CACNA1E: variants seen among roughly 807,000 people sequenced by gnomAD.
CACNA1E encodes the protein calcium voltage-gated channel subunit alpha1 E, also known as voltage-dependent R-type calcium channel subunit alpha-1E.
Under a neutral mutation model 259.2 loss-of-function variants are expected in CACNA1E, and 40 were observed. The ratio of observed to expected loss-of-function variants is 0.15; its 90% CI spans 0.12 to 0.20. The LOEUF is 0.20. Among genes scored for constraint, CACNA1E ranks in the 10% least tolerant of loss-of-function variants. The probability of loss-of-function intolerance (pLI) is 1.00; values close to 1 mark genes in which losing one functional copy is unlikely to be tolerated. For missense variants in CACNA1E, 1,874 were observed against 3,040.1 expected (o/e 0.62, Z 9.02); for synonymous variants, 1,104 against 1,138.5 (o/e 0.97, Z 0.61).
chr1:181,422,132 A>G (rs1557991251), intron 2 of CACNA1E, among the ~76,000 whole-genome samples: 1 of 152,164 alleles, frequency 6.6e-6, no homozygotes, highest in Non-Finnish European at 1.5e-5. Flanking sequence ...CTCAAATGAT[A>G]CTTCCTCAGA....
intron 7 of CACNA1E, among the ~76,000 whole-genome samples, chr1:181,678,593 G>T (rs1169615949): frequency 6.6e-6 from 1 of 152,174 alleles, no homozygotes; most frequent in African/African-American, 2.4e-5. Flanking sequence ...GATTTGAAAA[G>T]GCTGGGGTAA....
intron 7 of CACNA1E, among the ~76,000 whole-genome samples, chr1:181,679,717 C>T (rs527926689): frequency 1.3e-5 from 2 of 152,106 alleles, no homozygotes; most frequent in African/African-American, 4.8e-5. Flanking sequence ...GGGCTAACAG[C>T]AGGCCAGGCT....
intron 1 of CACNA1E, among the ~76,000 whole-genome samples, chr1:181,371,915 G>A (rs1654736936): frequency 6.6e-6 from 1 of 152,154 alleles, no homozygotes; most frequent in Admixed American, 6.5e-5. Flanking sequence ...CTTTATTTCT[G>A]GGTTCGTTAA....
intron 38 of CACNA1E, chr1:181,779,635 G>A: frequency 3.9e-6 from 1 of 258,184 alleles, no homozygotes; most frequent in South Asian, 3.7e-5. Context: ...GCCACATGAG[G>A]GAACCTTCAT....
intron 35 of CACNA1E, among the ~76,000 whole-genome samples, chr1:181,767,409 GCTAA>G (rs1659115189): frequency 1.3e-5 from 2 of 152,214 alleles, no homozygotes; most frequent in African/African-American, 2.4e-5. Flanking sequence ...TCTCCAGAGG[GCTAA>G]CTTTCTGACT....
intron 1 of CACNA1E, among the ~76,000 whole-genome samples, chr1:181,411,678 C>T (rs894308975): frequency 2.6e-5 from 4 of 152,152 alleles, no homozygotes; most frequent in Admixed American, 2.0e-4. Context: ...GGTGCGGTTT[C>T]AGCTCACTGC....
intron 27 of CACNA1E, 38 bp from the exon 28 acceptor site, chr1:181,755,199 C>T (rs1657982578): frequency 1.3e-6 from 2 of 1,586,322 alleles, no homozygotes; most frequent in Non-Finnish European, 1.7e-6. Flanking sequence ...CAGACCATCA[C>T]AGGGTTCACA....
intron 3 of CACNA1E, among the ~76,000 whole-genome samples, chr1:181,515,476 ATGCT>A (rs1666506998): frequency 6.6e-6 from 1 of 152,220 alleles, no homozygotes; most frequent in Non-Finnish European, 1.5e-5. Context: ...GCAGAAGGCA[ATGCT>A]GGGACCGAGA....
intron 2 of CACNA1E, among the ~76,000 whole-genome samples, chr1:181,447,573 G>A (rs535804848): frequency 2.0e-5 from 3 of 151,332 alleles, no homozygotes; most frequent in East Asian, 1.9e-4. Context: ...CGTATAGATA[G>A]TAAAGTGTTT....
chr1:181,726,545 G>C (rs1428656328), intron 18 of CACNA1E, among the ~76,000 whole-genome samples: 1 of 152,120 alleles, frequency 6.6e-6, no homozygotes, highest in Admixed American at 6.5e-5. Context: ...GTGTTCCCCA[G>C]CAAGGTTCAG....
chr1:181,619,197 T>G (rs1456774998), intron 6 of CACNA1E, among the ~76,000 whole-genome samples: 1 of 132,314 alleles, frequency 7.6e-6, no homozygotes, highest in Non-Finnish European at 1.6e-5. Flanking sequence ...GGGTCGGTTT[T>G]GGTAGGAGGG....
intron 1 of CACNA1E, among the ~76,000 whole-genome samples, chr1:181,407,278 G>A (rs1333294768): frequency 6.6e-6 from 1 of 152,146 alleles, no homozygotes; most frequent in Non-Finnish European, 1.5e-5. Context: ...GGGTGGGTCA[G>A]GGAACACTTC....
intron 1 of CACNA1E, among the ~76,000 whole-genome samples, chr1:181,395,857 T>A (rs1168699766): frequency 6.6e-6 from 1 of 152,238 alleles, no homozygotes; most frequent in East Asian, 1.9e-4. Context: ...TCAAATAATG[T>A]GATGAGTCAA....
chr1:181,658,102 T>A (rs1301492149), intron 7 of CACNA1E, among the ~76,000 whole-genome samples: 1 of 152,238 alleles, frequency 6.6e-6, no homozygotes, highest in Non-Finnish European at 1.5e-5. Context: ...TTAAGACAGA[T>A]TCTTACTATA....
In CACNA1E at chr1:181,611,538, G is replaced by C. The variant is rs558932844; in HGVS notation, c.951+30762G>C. 9.9e-5 allele frequency among the ~76,000 whole-genome samples: 15 copies of C among 152,154 alleles called. No homozygotes were observed. The South Asian group carries it at 2.9e-3, about 29-fold the overall frequency. ...GGTTTTGGGCAGGTGCACCTCTACT[G>C]TCAAGACAGTTGCCATTCTTCCTCA... On this transcript the variant is annotated intron_variant, in intron 6 of 47. Transcript: ENST00000367573.
At chr1:181,376,781 T>C (rs1210657684) in intron 1 of CACNA1E, among the ~76,000 whole-genome samples, 1 of 152,224 alleles carries the variant, frequency 6.6e-6, no homozygotes, top group Non-Finnish European at 1.5e-5. Flanking sequence ...TTTCTGCTTC[T>C]CTTTGTCACA....
At chr1:181,664,873 A>G (rs1648061845) in intron 7 of CACNA1E, among the ~76,000 whole-genome samples, 1 of 152,208 alleles carries the variant, frequency 6.6e-6, no homozygotes, top group Admixed American at 6.5e-5. Flanking sequence ...AAGTAGAACT[A>G]TCAACATAAA....
At chr1:181,741,198 G>A (rs1656537351) in intron 25 of CACNA1E, among the ~76,000 whole-genome samples, 1 of 152,178 alleles carries the variant, frequency 6.6e-6, no homozygotes, top group African/African-American at 2.4e-5. Context: ...GAAGAACAGA[G>A]CCCACTGGCA....
At chr1:181,661,610 T>C (rs2102137149) in intron 7 of CACNA1E, among the ~76,000 whole-genome samples, 2 of 152,312 alleles carry the variant, frequency 1.3e-5, no homozygotes, top group Middle Eastern at 3.4e-3. Flanking sequence ...ACACACTTCA[T>C]GACTTTTGGC....
Sources: allele counts gnomAD v4.1 joint callset (sites outside exome capture counted in the v4.1 genomes callset), GRCh38; gene constraint gnomAD v4.1.1; transcripts MANE v1.5; gene names NCBI Gene and HGNC (gene_info 2026-07-23, HGNC 2026-07-21).